Variants in TNIP3 observed in about 807,000 individuals in gnomAD.
The protein encoded by TNIP3 is TNFAIP3 interacting protein 3.
A neutral mutation model predicts 54.1 loss-of-function variants in TNIP3; 34 were observed. The observed-to-expected ratio is 0.63, with a 90% CI of 0.48 to 0.84. TNIP3 has a LOEUF of 0.84. Among genes scored for constraint, TNIP3 ranks in the 40% least tolerant of loss-of-function variants. The pLI is 0.00. For synonymous variants in TNIP3, 134 were observed against 136.8 expected, an observed-to-expected ratio of 0.98 and a Z score of 0.14; for missense variants, 366 against 387.6, an observed-to-expected ratio of 0.94 and a Z score of 0.47.
intron 9 of TNIP3, among the ~76,000 whole-genome samples, chr4:121,140,686 A>C (rs1031899217): frequency 2.6e-5 from 4 of 152,164 alleles, no homozygotes; most frequent in African/African-American, 9.7e-5. Context: ...TGTTTCTCAC[A>C]ATCTGAGTTG....
chr4:121,211,528 T>A (rs1726478256), intron 2 of TNIP3, among the ~76,000 whole-genome samples: 1 of 152,224 alleles, frequency 6.6e-6, no homozygotes, highest in African/African-American at 2.4e-5. Context: ...TCTAGTCTCT[T>A]CATTTCCCCC....
chr4:121,208,011 C>T (rs752204733), intron 2 of TNIP3, among the ~76,000 whole-genome samples: 5 of 152,040 alleles, frequency 3.3e-5, no homozygotes, highest in Non-Finnish European at 7.4e-5. Flanking sequence ...CAGGGGTTTC[C>T]GCTTTTGCAT....
At chr4:121,163,763 C>A (rs1309903301) in intron 1 of TNIP3, among the ~76,000 whole-genome samples, 1 of 152,012 alleles carries the variant, frequency 6.6e-6, no homozygotes, top group Non-Finnish European at 1.5e-5. Flanking sequence ...CTATTTCTAC[C>A]TACACCAATA....
At chr4:121,173,813 T>C (rs1724135010) in intron 3 of TNIP3, among the ~76,000 whole-genome samples, 1 of 152,164 alleles carries the variant, frequency 6.6e-6, no homozygotes, top group Admixed American at 6.5e-5. Flanking sequence ...GTAATTTTAG[T>C]AGAGGTGGAG....
intron 3 of TNIP3, among the ~76,000 whole-genome samples, chr4:121,157,980 C>T (rs1430163558): frequency 1.3e-5 from 2 of 152,172 alleles, no homozygotes; most frequent in Non-Finnish European, 2.9e-5. Context: ...AAATTCAATA[C>T]TTCTGGGTAA....
At chr4:121,145,225 T>C (rs1350781923) in intron 7 of TNIP3, among the ~76,000 whole-genome samples, 1 of 152,208 alleles carries the variant, frequency 6.6e-6, no homozygotes, top group African/African-American at 2.4e-5. Flanking sequence ...GTTAACACAT[T>C]TAACACAGAT....
chr4:121,138,823 A>T (rs1205410999), intron 9 of TNIP3, 139 bp from the exon 10 acceptor site: 4 of 725,910 alleles, frequency 5.5e-6, no homozygotes, highest in Non-Finnish European at 9.5e-6. Flanking sequence ...TGCCAACCTC[A>T]CTCATCCTGC....
At chr4:121,200,214 AC>A (rs1332796916) in intron 2 of TNIP3, among the ~76,000 whole-genome samples, 1 of 151,968 alleles carries the variant, frequency 6.6e-6, no homozygotes, top group Non-Finnish European at 1.5e-5. Flanking sequence ...AACACCAACC[AC>A]CCCTGAGAAT....
rs373963948 is a variant in TNIP3, at chr4:121,207,751, A to T, written c.68+8664T>A. On this transcript the variant is annotated intron_variant, in intron 2 of 12. Coordinates refer to the TNIP3 transcript ENST00000507879. Reference sequence around the variant, plus strand: ...TTCTTCTAACCTCCAAGCTGACCTTATTCACTCCTGGATGTAGGCCAAACT... The same window carrying T: ...TTCTTCTAACCTCCAAGCTGACCTTTTTCACTCCTGGATGTAGGCCAAACT... 2.0e-5 allele frequency among the ~76,000 whole-genome samples: 3 copies of T among 152,220 alleles called. No homozygotes were observed. The East Asian group carries it at 5.8e-4, about 29-fold the overall frequency.
intron 3 of TNIP3, among the ~76,000 whole-genome samples, chr4:121,157,814 T>C (rs1310080772): frequency 6.6e-6 from 1 of 152,158 alleles, no homozygotes; most frequent in African/African-American, 2.4e-5. Flanking sequence ...ACTAACACTG[T>C]CTTCACACAC....
upstream of TNIP3, among the ~76,000 whole-genome samples, chr4:121,216,933 G>A (rs937737703): frequency 6.6e-6 from 1 of 152,020 alleles, no homozygotes; most frequent in African/African-American, 2.4e-5. Flanking sequence ...TAGGAAGACC[G>A]CTCATGCCAG....
Position 121,143,252 on chromosome 4 carries a change from T to TTCTG in TNIP3, c.736-480_736-477dup, listed in dbSNP as rs765347506. On this transcript the variant is annotated intron_variant, in intron 7 of 10. Coordinates refer to ENST00000057513, the MANE Select transcript of TNIP3 (RefSeq NM_024873.6). Reference sequence around the variant, plus strand: ...TAGATGAGAACACTAAGACATAAGATTCTGAGTAACTTGTTCAAAGTCACA... The same window carrying TTCTG: ...TAGATGAGAACACTAAGACATAAGATTCTGTCTGAGTAACTTGTTCAAAGTCACA... Among the ~76,000 whole-genome samples, 69 of 152,326 alleles carry TTCTG rather than the reference T, an allele frequency of 4.5e-4. 1 individual carries two copies. Among genetic ancestry groups the TTCTG allele is most frequent in the Admixed American group, 5.9e-4 (9 of 15,296 alleles).
At position 121,201,075 on chromosome 4, in the gene TNIP3, T is replaced by C. The variant is rs571134076; in HGVS notation, c.68+15340A>G. Among the ~76,000 whole-genome samples the C allele has an allele frequency of 2.0e-5, 3 of 152,198 alleles. No individual in the cohort carries two copies. In the South Asian group the frequency reaches 6.2e-4, roughly 32 times the overall value. ...GGAACTTTGGTGGCTGCAATAACCA[T>C]GATTAATTTATGAATGGACTCTAAG... On this transcript the variant is annotated intron_variant, in intron 2 of 12. Coordinates refer to the TNIP3 transcript ENST00000507879.
intron 2 of TNIP3, among the ~76,000 whole-genome samples, chr4:121,204,604 A>G (rs1184911582): frequency 6.6e-6 from 1 of 152,206 alleles, no homozygotes; most frequent in Non-Finnish European, 1.5e-5. Context: ...ATGATGGAAT[A>G]GCAAGTTGTT....
chr4:121,137,725 G>T (rs1728872575), intron 10 of TNIP3: 3 of 318,514 alleles, frequency 9.4e-6, no homozygotes, highest in Non-Finnish European at 1.9e-5. Context: ...AGATTTCTGT[G>T]ATCTCAGCTC....
chr4:121,227,361 G>A (rs1727301428), intron 1 of TNIP3: 1 of 1,533,742 alleles, frequency 6.5e-7, no homozygotes, highest in Non-Finnish European at 8.7e-7. Context: ...TGAAAGTAAA[G>A]GCACAAGACA....
At position 121,132,520 on chromosome 4, in the gene TNIP3, A is replaced by C; in HGVS notation, c.*111T>G. ...GAAAACATGACCAGGCACAAATAAC[A>C]GGGTAGATGATGTGCCTTTGTGGCA... On this transcript the variant is annotated 3_prime_UTR_variant, in exon 11 of 11. Coordinates refer to ENST00000057513, the MANE Select transcript of TNIP3 (RefSeq NM_024873.6). 2 of 986,058 alleles carry C rather than the reference A, an allele frequency of 2.0e-6. No homozygotes were observed. The highest frequency in any genetic ancestry group is 2.9e-5 in the South Asian group (2 of 68,990). 61.1% of individuals were successfully genotyped at this position (986,058 alleles called of 1,614,324 possible).
intron 2 of TNIP3, among the ~76,000 whole-genome samples, chr4:121,200,955 A>ATCTGCTTG (rs1441172241): frequency 6.6e-6 from 1 of 152,134 alleles, no homozygotes; most frequent in African/African-American, 2.4e-5. Context: ...GCTTGGTGAG[A>ATCTGCTTG]GTGAAAGTAA....
chr4:121,227,012 C>T (rs1247558413), intron 1 of TNIP3, among the ~76,000 whole-genome samples: 1 of 152,098 alleles, frequency 6.6e-6, no homozygotes, highest in Non-Finnish European at 1.5e-5. Flanking sequence ...CATATAAGTA[C>T]TTACATTTAG....
Sources: allele counts gnomAD v4.1 joint callset (sites outside exome capture counted in the v4.1 genomes callset), GRCh38; gene constraint gnomAD v4.1.1; transcripts MANE v1.5; gene names NCBI Gene and HGNC (gene_info 2026-07-23, HGNC 2026-07-21).